The following MGAT5B variants were observed in gnomAD, a reference collection of about 807,000 sequenced individuals.
MGAT5B encodes the protein alpha-1,6-mannosylglycoprotein 6-beta-N-acetylglucosaminyltransferase B.
MGAT5B carries 54 observed loss-of-function variants against 95.1 expected under a neutral mutation model. The observed-to-expected ratio is 0.57, with a 90% CI of 0.46 to 0.71. MGAT5B has a LOEUF of 0.71. MGAT5B is among the 30% of genes least tolerant of loss of function. MGAT5B has a pLI of 0.00. For missense variants in MGAT5B, 935 were observed against 1,088.6 expected (o/e 0.86, Z 1.99); for synonymous variants, 464 against 451.0 (o/e 1.03, Z -0.36).
chr17:76,892,623 G>T (rs1054652185), intron 3 of MGAT5B, among the ~76,000 whole-genome samples: 4 of 152,260 alleles, frequency 2.6e-5, no homozygotes, highest in Non-Finnish European at 4.4e-5. Flanking sequence ...CCTGTGAAAG[G>T]ATATGGATGA....
intron 3 of MGAT5B, among the ~76,000 whole-genome samples, chr17:76,895,953 C>T (rs934558623): frequency 4.6e-5 from 7 of 152,322 alleles, no homozygotes; most frequent in East Asian, 1.9e-4. Flanking sequence ...CTAAAAGCAG[C>T]GTGGGCCCTG....
intron 2 of MGAT5B, among the ~76,000 whole-genome samples, chr17:76,879,493 C>T (rs1967325706): frequency 6.6e-6 from 1 of 152,222 alleles, no homozygotes; most frequent in Non-Finnish European, 1.5e-5. Context: ...GAAGGGACTA[C>T]TCCAGCCCGA....
intron 8 of MGAT5B, among the ~76,000 whole-genome samples, chr17:76,920,291 GAGAAATGAGGAC>G (rs765528671): frequency 0.069 from 10,429 of 152,180 alleles, 469 homozygotes; most frequent in East Asian, 0.21. Flanking sequence ...GAGAGTACAA[GAGAAATGAGGAC>G]TTGGCCTTGG....
Position 76,948,944 on chromosome 17 carries a change from C to T in MGAT5B, c.*106C>T. 2.4e-6 allele frequency: 3 copies of T among 1,259,224 alleles called. No individual in the cohort carries two copies. The highest frequency in any genetic ancestry group is 3.0e-5 in the African/African-American group (2 of 67,348). The allele number at this position is 1,259,224 out of a possible 1,614,324, so 78.0% of individuals were successfully genotyped here. A position where few individuals can be genotyped will look rare whatever the true frequency, so the allele number is the denominator to read the frequency against. ...GGCTGCTTGTCCTCCTCGCAACCCC[C>T]CCAGGCCGGAGCTTCCTTCCTTAGC... On this transcript the variant is annotated 3_prime_UTR_variant, in exon 18 of 18. Coordinates refer to ENST00000569840, the MANE Select transcript of MGAT5B (RefSeq NM_001199172.2).
At chr17:76,944,687 G>A (rs947486640) in intron 15 of MGAT5B, among the ~76,000 whole-genome samples, 11 of 152,192 alleles carry the variant, frequency 7.2e-5, no homozygotes, top group South Asian at 4.1e-4. Context: ...GCAGGGGGAC[G>A]TCAGTGCTGG....
chr17:76,945,990 G>A (rs1426800959), intron 15 of MGAT5B, among the ~76,000 whole-genome samples: 2 of 152,060 alleles, frequency 1.3e-5, no homozygotes, highest in Non-Finnish European at 2.9e-5. Context: ...AGGAGTGGGG[G>A]TGGGGCTCAG....
Position 76,869,131 on chromosome 17 carries a change from G to A in MGAT5B, c.68+34G>A. ...CCCTCCTGGTTGGTTTTTTCCCCAG[G>A]GGGGCGCCGGGTGGAGGTGGGCGAG... On this transcript the variant is annotated intron_variant, in intron 1 of 17. Coordinates refer to ENST00000569840, the MANE Select transcript of MGAT5B (RefSeq NM_001199172.2). The surrounding 1 kb of genome is among the most constrained non-coding windows in gnomAD (Gnocchi z 7.0). 1 of 1,596,334 alleles carries A rather than the reference G, an allele frequency of 6.3e-7. No homozygotes were observed. The highest frequency in any genetic ancestry group is 8.6e-7 in the Non-Finnish European group (1 of 1,163,940).
intron 8 of MGAT5B, 113 bp from the exon 9 acceptor site, chr17:76,924,853 C>T: frequency 7.6e-7 from 1 of 1,319,438 alleles, no homozygotes; most frequent in Non-Finnish European, 1.1e-6. Context: ...TTCTGAGAGT[C>T]TGTGCTAAGC....
intron 8 of MGAT5B, among the ~76,000 whole-genome samples, chr17:76,924,645 A>G (rs533692959): frequency 6.6e-6 from 1 of 152,302 alleles, no homozygotes; most frequent in East Asian, 1.9e-4. Flanking sequence ...AGTTAGAGAA[A>G]GGCTCCCTCT....
chr17:76,939,847 T>C (rs1969806734), intron 13 of MGAT5B, among the ~76,000 whole-genome samples: 1 of 91,898 alleles, frequency 1.1e-5, no homozygotes, highest in Non-Finnish European at 2.3e-5. Context: ...GAAAAGGACA[T>C]GATTTTGTTT....
At position 76,940,580 on chromosome 17, in the gene MGAT5B, G is replaced by A. The variant is rs371207117; in HGVS notation, c.1731+32G>A. The A allele has an allele frequency of 3.1e-6, 5 of 1,593,876 alleles. No homozygotes were observed. In the South Asian group the frequency reaches 4.5e-5, roughly 14 times the overall value. ...GGAAAGCATCCTGGTCCCCGATCAG[G>A]AGGGGCCGGGACAGAGACCCCTGCA... On this transcript the variant is annotated intron_variant, in intron 14 of 17. Coordinates refer to ENST00000569840, the MANE Select transcript of MGAT5B (RefSeq NM_001199172.2). This position sits in a 1 kb window ranked among gnomAD's most constrained non-coding sequence, Gnocchi z 4.3.
intron 10 of MGAT5B, among the ~76,000 whole-genome samples, chr17:76,927,845 G>A (rs1301003946): frequency 1.3e-5 from 2 of 152,262 alleles, no homozygotes; most frequent in Non-Finnish European, 2.9e-5. Context: ...AGGCCAGAAA[G>A]CTAGATAAGT....
chr17:76,891,662 G>T (rs1015815591), intron 3 of MGAT5B, among the ~76,000 whole-genome samples: 3 of 152,264 alleles, frequency 2.0e-5, no homozygotes. Flanking sequence ...TTACAGGCGT[G>T]AGCCACTGCG....
chr17:76,921,696 G>A (rs527976306), intron 8 of MGAT5B, among the ~76,000 whole-genome samples: 2 of 152,310 alleles, frequency 1.3e-5, no homozygotes, highest in South Asian at 2.1e-4. Context: ...GGTTAGGTGG[G>A]GAAGCATCCT....
At chr17:76,926,525 G>A (rs1969317027) in intron 9 of MGAT5B, 72 bp from the exon 10 acceptor site, 3 of 1,483,438 alleles carry the variant, frequency 2.0e-6, no homozygotes, top group South Asian at 1.3e-5. Flanking sequence ...AGTGCTCGTG[G>A]CTGGGGCAAC....
At chr17:76,872,598 A>C in intron 1 of MGAT5B, 10 of 1,415,688 alleles carry the variant, frequency 7.1e-6, no homozygotes, top group Non-Finnish European at 9.3e-6. Context: ...CGCCTGCCTC[A>C]TGCCTAAGTG....
chr17:76,943,635 C>G (rs1012289169), intron 15 of MGAT5B, among the ~76,000 whole-genome samples: 11 of 147,986 alleles, frequency 7.4e-5, no homozygotes, highest in Admixed American at 1.3e-4. Context: ...GGGGGGGGGT[C>G]TCATTTTGTT....
intron 8 of MGAT5B, among the ~76,000 whole-genome samples, chr17:76,909,680 A>G (rs1176920605): frequency 6.6e-6 from 1 of 152,192 alleles, no homozygotes; most frequent in Non-Finnish European, 1.5e-5. Context: ...CCAGTAACTC[A>G]GGTAGAACGT....
chr17:76,940,229 T>C lies in MGAT5B; in HGVS notation c.1585-173T>C, dbSNP rs1039414569. 4.6e-5 allele frequency among the ~76,000 whole-genome samples: 7 copies of C among 152,200 alleles called. No individual in the cohort carries two copies. Among genetic ancestry groups the C allele is most frequent in the Admixed American group, 6.5e-5 (1 of 15,292 alleles). Reference sequence around the variant, plus strand: ...GCCCGTGGCACAAGATGTTCTGGGCTGGCTTTTCCAGCCCTGTTATAGCTC... The same window carrying C: ...GCCCGTGGCACAAGATGTTCTGGGCCGGCTTTTCCAGCCCTGTTATAGCTC... On this transcript the variant is annotated intron_variant, in intron 13 of 17. Transcript: ENST00000569840. This position sits in a 1 kb window ranked among gnomAD's most constrained non-coding sequence, Gnocchi z 4.3.
Sources: allele counts gnomAD v4.1 joint callset (sites outside exome capture counted in the v4.1 genomes callset), GRCh38; gene constraint gnomAD v4.1.1; non-coding constraint Gnocchi (gnomAD v3.1); transcripts MANE v1.5; gene names NCBI Gene and HGNC (gene_info 2026-07-23, HGNC 2026-07-21).